Variants in MYH9 observed in about 807,000 individuals in gnomAD.
MYH9 encodes myosin heavy chain 9, also known as myosin-9.
A neutral mutation model predicts 241.9 loss-of-function variants in MYH9; 29 were observed. That is an observed-to-expected ratio of 0.12 (90% confidence interval 0.09 to 0.16). The LOEUF (loss-of-function observed/expected upper bound fraction) is 0.16, where lower values mean the gene tolerates loss of function less well. Ranked by LOEUF, MYH9 falls within the 10% of genes least tolerant of loss-of-function variation. The pLI is 1.00. For missense variants in MYH9, 1,803 were observed against 2,595.5 expected (o/e 0.69, Z 6.63); for synonymous variants, 1,047 against 1,062.6 (o/e 0.99, Z 0.29).
intron 2 of MYH9, 70 bp downstream of exon 2, chr22:36,348,834 A>AGGGGGGGGGGGGGGGGGGGG: frequency 1.1e-6 from 1 of 888,390 alleles, no homozygotes; most frequent in Non-Finnish European, 1.6e-6. Flanking sequence ...GGGTGATGGG[A>AGGGGGGGGGGGGGGGGGGGG]AGACCCGCCC....
In MYH9 at chr22:36,288,655, G is replaced by A; in HGVS notation, c.4770+72C>T. Reference sequence around the variant, plus strand: ...GGGCCCTAACACAATCCAGGTGGAAGGAGAGAACAGAAGCCTGCGTGAAGC... The same window carrying A: ...GGGCCCTAACACAATCCAGGTGGAAAGAGAGAACAGAAGCCTGCGTGAAGC... On this transcript the variant is annotated intron_variant, in intron 33 of 40. Coordinates refer to ENST00000216181, the MANE Select transcript of MYH9 (RefSeq NM_002473.6). This position sits in a 1 kb window ranked among gnomAD's most constrained non-coding sequence, Gnocchi z 4.8. The A allele has an allele frequency of 6.4e-7, 1 of 1,557,506 alleles. No homozygotes were observed. Among genetic ancestry groups the A allele is most frequent in the Non-Finnish European group, 8.8e-7 (1 of 1,142,660 alleles).
intron 2 of MYH9, among the ~76,000 whole-genome samples, chr22:36,342,983 C>G (rs760817550): frequency 2.2e-4 from 33 of 152,228 alleles, no homozygotes; most frequent in Non-Finnish European, 3.4e-4. Flanking sequence ...CTTCATTGTT[C>G]ATGAAGCAGC....
At chr22:36,333,078 A>G (rs2017448546) in intron 3 of MYH9, among the ~76,000 whole-genome samples, 1 of 152,204 alleles carries the variant, frequency 6.6e-6, no homozygotes, top group African/African-American at 2.4e-5. Flanking sequence ...TCAACAGGGA[A>G]TAAGAGGGAA....
At chr22:36,361,294 G>A (rs1029057502) in intron 1 of MYH9, among the ~76,000 whole-genome samples, 5 of 150,368 alleles carry the variant, frequency 3.3e-5, no homozygotes, top group Admixed American at 3.3e-4. Flanking sequence ...GAGGAACTTA[G>A]TGCCCGGGCC....
chr22:36,334,133 G>A (rs2146377170), intron 3 of MYH9, among the ~76,000 whole-genome samples: 1 of 152,230 alleles, frequency 6.6e-6, no homozygotes, highest in Admixed American at 6.5e-5. Flanking sequence ...CCTTGAAAAG[G>A]GCCCGTTAAC....
Position 36,305,916 on chromosome 22 carries a change from G to C in MYH9, c.2159+14C>G. On this transcript the variant is annotated intron_variant, in intron 17 of 40. Transcript: ENST00000216181. This position sits in a 1 kb window ranked among gnomAD's most constrained non-coding sequence, Gnocchi z 4.7. ...GCAGGGCCCAGGAGAAGCGGGCTCC[G>C]GGCCCTGGCTCACCTCTGCCGAAAC... The C allele has an allele frequency of 1.2e-6, 2 of 1,612,688 alleles. No individual in the cohort carries two copies. Among genetic ancestry groups the C allele is most frequent in the East Asian group, 4.5e-5 (2 of 44,862 alleles).
intron 3 of MYH9, among the ~76,000 whole-genome samples, chr22:36,331,328 C>T (rs1386117161): frequency 1.3e-5 from 2 of 152,212 alleles, no homozygotes; most frequent in Non-Finnish European, 2.9e-5. Context: ...GGCACCGCCA[C>T]GAGAAAGTCT....
intron 5 of MYH9, among the ~76,000 whole-genome samples, chr22:36,324,093 G>A (rs879776586): frequency 6.6e-6 from 1 of 152,374 alleles, no homozygotes; most frequent in African/African-American, 2.4e-5. Context: ...ACAGAAGGGA[G>A]CGCGGCCCCT....
At position 36,300,523 on chromosome 22, in the gene MYH9, T is replaced by C. The variant is rs879758733; in HGVS notation, c.2839-259A>G. On this transcript the variant is annotated intron_variant, in intron 22 of 40. Transcript: ENST00000216181. This position sits in a 1 kb window ranked among gnomAD's most constrained non-coding sequence, Gnocchi z 5.0. Reference sequence around the variant, plus strand: ...AACATCGGTGCAATGTTCTGAAGGGTTTCCTGCAGCAAGCTCCCACCCATG... The same window carrying C: ...AACATCGGTGCAATGTTCTGAAGGGCTTCCTGCAGCAAGCTCCCACCCATG... Among the ~76,000 whole-genome samples the C allele has an allele frequency of 1.3e-5, 2 of 152,024 alleles. No individual in the cohort carries two copies. The highest frequency in any genetic ancestry group is 3.9e-4 in the East Asian group (2 of 5,158).
In MYH9 at chr22:36,312,118, G is replaced by A. The variant is rs551567122; in HGVS notation, c.1659C>T (p.His553=). The change falls in exon 14 of 41, where the codon CAC becomes CAT. Residue 553 remains histidine (H), a synonymous_variant. Coordinates refer to ENST00000216181, the MANE Select transcript of MYH9 (RefSeq NM_002473.6). The part of the protein sequence containing the change: ...VEKVMQEQGT[H]PKFQKPKQLK... ...GCTGCTTGGGCTTCTGGAACTTGGG[G>A]TGGGTGCCCTGCTCCTGCATCACCT... 1 of 1,614,212 alleles carries A rather than the reference G, an allele frequency of 6.2e-7. No homozygotes were observed. The highest frequency in any genetic ancestry group is 2.2e-5 in the East Asian group (1 of 44,892).
rs1028598080 is a variant in MYH9 at position 36,329,970 on chromosome 22, G to A, written c.491-2482C>T. ...CACAGATGCATATCCACAAGCACAAGTGCAAACACAGGCACGCAAGGCACA... is the reference window on the plus strand; with the variant it reads ...CACAGATGCATATCCACAAGCACAAATGCAAACACAGGCACGCAAGGCACA... On this transcript the variant is annotated intron_variant, in intron 3 of 40. Coordinates refer to ENST00000216181, the MANE Select transcript of MYH9 (RefSeq NM_002473.6). The surrounding 1 kb of genome is among the most constrained non-coding windows in gnomAD (Gnocchi z 4.1). 5.3e-5 allele frequency among the ~76,000 whole-genome samples: 8 copies of A among 152,182 alleles called. No homozygotes were observed. The highest frequency in any genetic ancestry group is 1.7e-4 in the African/African-American group (7 of 41,434).
intron 3 of MYH9, among the ~76,000 whole-genome samples, chr22:36,334,534 G>A (rs572376229): frequency 8.5e-5 from 13 of 152,348 alleles, no homozygotes; most frequent in South Asian, 2.1e-4. Context: ...TGTGTGGCGC[G>A]GTCGCTGCAG....
In MYH9 at chr22:36,293,725, G is replaced by A. The variant is rs367686656; in HGVS notation, c.3942+34C>T. 18 of 1,583,024 alleles carry A rather than the reference G, an allele frequency of 1.1e-5. No individual in the cohort carries two copies. The highest frequency in any genetic ancestry group is 6.7e-5 in the African/African-American group (5 of 74,376). On this transcript the variant is annotated intron_variant, in intron 29 of 40. Transcript: ENST00000216181. The surrounding 1 kb of genome is among the most constrained non-coding windows in gnomAD (Gnocchi z 5.1). The stretch of plus-strand genomic sequence containing the variant: ...GTGGACACAGAGGCCTTTCTGGAGG[G>A]GTCCACCTTCTGGGAACCTGGCGCC...
intron 1 of MYH9, among the ~76,000 whole-genome samples, chr22:36,354,409 C>A (rs2017818660): frequency 6.7e-6 from 1 of 150,232 alleles, no homozygotes; most frequent in Non-Finnish European, 1.5e-5. Flanking sequence ...TTTTAAGGAC[C>A]ACTTATAAGG....
chr22:36,288,257 G>T lies in MYH9; in HGVS notation c.4927C>A (p.Leu1643Met), dbSNP rs727504669. ...TGGGCCCCGCCCACCCTTACCTGCA[G>T]CTTCCGCAGCTGTTTGATGGCTTCG... The part of the protein sequence containing the change: ...RDEAIKQLRK[L>M]QAQMKDCMRE... Residue 1643 changes from leucine to methionine, a missense_variant, in exon 34 of 41, where the codon CTG becomes ATG. This residue lies in a region of MYH9 where 876 missense variants were observed against 1,077.8 expected (regional missense o/e 0.81). Coordinates refer to ENST00000216181, the MANE Select transcript of MYH9 (RefSeq NM_002473.6). This position sits in a 1 kb window ranked among gnomAD's most constrained non-coding sequence, Gnocchi z 4.8. 44 of 1,613,806 alleles carry T rather than the reference G, an allele frequency of 2.7e-5. No homozygotes were observed. Among genetic ancestry groups the T allele is most frequent in the Non-Finnish European group, 3.7e-5 (44 of 1,179,990 alleles).
intron 7 of MYH9, among the ~76,000 whole-genome samples, chr22:36,321,172 T>C (rs1015700492): frequency 6.6e-6 from 1 of 152,204 alleles, no homozygotes; most frequent in Non-Finnish European, 1.5e-5. Context: ...CTTGAACTCC[T>C]GACCTCAGGT....
chr22:36,303,784 CAA>C lies in MYH9; in HGVS notation c.2390+209_2390+210del, dbSNP rs56983008. Among the ~76,000 whole-genome samples, 5,353 of 48,020 alleles carry C rather than the reference CAA, an allele frequency of 0.11. 63 individuals are homozygous for C. Among genetic ancestry groups the C allele is most frequent in the East Asian group, 0.2 (358 of 1,750 alleles). The allele number at this position is 48,020 out of a possible 152,430, so 31.5% of individuals were successfully genotyped here. ...TGGGCGACAGAGTGAGACTCCGTCT[CAA>C]AAAAAAAAAAAAAAAAAGAAAAAAA... On this transcript the variant is annotated intron_variant, in intron 19 of 40. Coordinates refer to ENST00000216181, the MANE Select transcript of MYH9 (RefSeq NM_002473.6).
chr22:36,294,894 C>T (rs773842697), intron 27 of MYH9, 38 bp downstream of exon 27: 2 of 1,606,540 alleles, frequency 1.2e-6, no homozygotes, highest in East Asian at 2.2e-5. Context: ...GCACGGGGAA[C>T]CCTGCCCTCC....
chr22:36,287,752 AC>A (rs2016612108), intron 34 of MYH9, among the ~76,000 whole-genome samples: 4 of 152,258 alleles, frequency 2.6e-5, no homozygotes, highest in Admixed American at 2.6e-4. Flanking sequence ...AAACAAACAA[AC>A]AAAAAAAAAT....
Sources: allele counts gnomAD v4.1 joint callset (sites outside exome capture counted in the v4.1 genomes callset), GRCh38; gene constraint gnomAD v4.1.1; regional missense constraint gnomAD v4.1.1; non-coding constraint Gnocchi (gnomAD v3.1); transcripts MANE v1.5; gene names NCBI Gene and HGNC (gene_info 2026-07-23, HGNC 2026-07-21).